TCF7L2: variants seen among roughly 807,000 people sequenced by gnomAD.
The protein encoded by TCF7L2 is transcription factor 7-like 2.
In TCF7L2, 23 loss-of-function variants were observed where a neutral mutation model predicts 77.9. The ratio of observed to expected loss-of-function variants is 0.30; its 90% CI spans 0.21 to 0.42. The LOEUF is 0.42. TCF7L2 is among the 10% of genes least tolerant of loss of function. The probability of loss-of-function intolerance (pLI) is 1.00; values close to 1 mark genes in which losing one functional copy is unlikely to be tolerated. For synonymous variants in TCF7L2, 413 were observed against 340.2 expected (o/e 1.21, Z -2.36); for missense variants, 654 against 793.1 (o/e 0.82, Z 2.11).
intron 5 of TCF7L2, among the ~76,000 whole-genome samples, chr10:113,060,385 T>C (rs1347366115): frequency 6.6e-6 from 1 of 152,180 alleles, no homozygotes; most frequent in Non-Finnish European, 1.5e-5. Context: ...TTAAAAGGAC[T>C]GTGTTGTTAC....
intron 5 of TCF7L2, among the ~76,000 whole-genome samples, chr10:113,057,173 TCTCTCCTA>T (rs1564835151): frequency 6.6e-6 from 1 of 152,168 alleles, no homozygotes; most frequent in Non-Finnish European, 1.5e-5. Context: ...CTTCCTCTTG[TCTCTCCTA>T]CCCTGTAAAC....
rs77961654 is a variant in TCF7L2, at chr10:113,165,610, C to G, written c.1447C>G (p.Pro483Ala). ...AGGTGAAGGCAGCTGCCTCAGCCCA[C>G]CCTCTTCAGATGGAAGCTTACTAGA... Residue 483 changes from proline (P) to alanine (A), a missense_variant, in exon 14 of 14, where the codon CCC becomes GCC. Physicochemically the swap from Pro to Ala is conservative, Grantham distance 27. Transcript: ENST00000627217. 2 of 1,614,028 alleles carry G rather than the reference C, an allele frequency of 1.2e-6. No individual in the cohort carries two copies. Among genetic ancestry groups the G allele is most frequent in the Non-Finnish European group, 1.7e-6 (2 of 1,179,988 alleles).
At chr10:113,070,269 T>TTTTATATA (rs1555004137) in intron 5 of TCF7L2, among the ~76,000 whole-genome samples, 1 of 124,138 alleles carries the variant, frequency 8.1e-6, no homozygotes, top group Non-Finnish European at 1.6e-5. Context: ...AAAAAAAAAT[T>TTTTATATA]TATATATATA....
intron 5 of TCF7L2, among the ~76,000 whole-genome samples, chr10:113,086,558 T>C (rs2059855583): frequency 6.6e-6 from 1 of 152,216 alleles, no homozygotes; most frequent in African/African-American, 2.4e-5. Flanking sequence ...ACTTTCCCAC[T>C]TCTGAAGCTG....
intron 4 of TCF7L2, among the ~76,000 whole-genome samples, chr10:112,992,715 C>T (rs2042789896): frequency 6.6e-6 from 1 of 151,948 alleles, no homozygotes; most frequent in Non-Finnish European, 1.5e-5. Context: ...GACCTCCAAG[C>T]AGACCCCCTC....
rs1408038947 is a variant in TCF7L2 at position 113,107,774 on chromosome 10, A to AAAAAAAAC, written c.553-33408_553-33407insAAAAACAA. Among the ~76,000 whole-genome samples the AAAAAAAAC allele has an allele frequency of 8.9e-4, 133 of 149,840 alleles. 2 individuals are homozygous for AAAAAAAAC. The highest frequency in any genetic ancestry group is 5.7e-3 in the Admixed American group (84 of 14,612). ...GTCTAAAAAAAAAAAAAAAAAAAAA[A>AAAAAAAAC]AACAACAAAAAAATCAAGGTACATC... On this transcript the variant is annotated intron_variant, in intron 5 of 13. Coordinates refer to ENST00000627217, the MANE Select transcript of TCF7L2 (RefSeq NM_001146274.2).
At chr10:113,043,358 A>C (rs1437415625) in intron 5 of TCF7L2, among the ~76,000 whole-genome samples, 2 of 152,238 alleles carry the variant, frequency 1.3e-5, no homozygotes, top group Non-Finnish European at 2.9e-5. Context: ...AAATGTTCTT[A>C]ACAAGTGGAG....
At chr10:112,973,293 G>A (rs2038681477) in intron 4 of TCF7L2, among the ~76,000 whole-genome samples, 3 of 152,168 alleles carry the variant, frequency 2.0e-5, no homozygotes, top group South Asian at 2.1e-4. Flanking sequence ...GAGAACCACC[G>A]GACTAGGGCA....
intron 3 of TCF7L2, among the ~76,000 whole-genome samples, chr10:112,959,935 G>A (rs2034629370): frequency 6.6e-6 from 1 of 151,784 alleles, no homozygotes; most frequent in Non-Finnish European, 1.5e-5. Flanking sequence ...CTACAGGGTA[G>A]AGAGGAAAGT....
chr10:112,981,322 T>G (rs60802767), intron 4 of TCF7L2, among the ~76,000 whole-genome samples: 49 of 145,612 alleles, frequency 3.4e-4, no homozygotes, highest in Non-Finnish European at 5.3e-4. Context: ...AAAAAAAAAA[T>G]AAAGAAAGAA....
chr10:113,112,185 G>A (rs1018068063), intron 5 of TCF7L2, among the ~76,000 whole-genome samples: 1 of 152,228 alleles, frequency 6.6e-6, no homozygotes, highest in Non-Finnish European at 1.5e-5. Flanking sequence ...TGCTATGGTG[G>A]AGGCATGACA....
At chr10:113,012,018 G>C (rs572185683) in intron 4 of TCF7L2, among the ~76,000 whole-genome samples, 1 of 152,308 alleles carries the variant, frequency 6.6e-6, no homozygotes, top group African/African-American at 2.4e-5. Context: ...ACTGCCTCGA[G>C]TATTGCCGTT....
chr10:113,094,354 T>A (rs532315193), intron 5 of TCF7L2, among the ~76,000 whole-genome samples: 6 of 152,332 alleles, frequency 3.9e-5, no homozygotes, highest in Admixed American at 3.9e-4. Flanking sequence ...TTGTTAGTCA[T>A]TTGAAACAAA....
intron 5 of TCF7L2, among the ~76,000 whole-genome samples, chr10:113,117,904 C>T (rs1044329259): frequency 6.6e-6 from 1 of 152,148 alleles, no homozygotes; most frequent in Non-Finnish European, 1.5e-5. Context: ...GAAGTTGCGT[C>T]GCCTCCCTCC....
intron 3 of TCF7L2, among the ~76,000 whole-genome samples, chr10:112,953,906 A>G (rs1034832826): frequency 5.3e-5 from 8 of 152,218 alleles, no homozygotes; most frequent in African/African-American, 7.2e-5. Context: ...TAGTACTTAC[A>G]TGTCAAACAC....
At chr10:113,154,968 G>A (rs1410006654) in intron 11 of TCF7L2, among the ~76,000 whole-genome samples, 2 of 143,342 alleles carry the variant, frequency 1.4e-5, no homozygotes, top group Non-Finnish European at 3.0e-5. Flanking sequence ...GAATGTGGTA[G>A]CAACTTAACT....
At chr10:113,027,497 C>G (rs2049397934) in intron 4 of TCF7L2, among the ~76,000 whole-genome samples, 1 of 152,132 alleles carries the variant, frequency 6.6e-6, no homozygotes, top group South Asian at 2.1e-4. Context: ...GTTCTCTTCT[C>G]TGCTTCTTGG....
chr10:112,959,077 TTTAA>T (rs1174261683), intron 3 of TCF7L2, among the ~76,000 whole-genome samples: 2 of 152,310 alleles, frequency 1.3e-5, no homozygotes, highest in East Asian at 3.9e-4. Flanking sequence ...GTTTAAGAGC[TTTAA>T]TTATGTTTTG....
intron 4 of TCF7L2, among the ~76,000 whole-genome samples, chr10:112,986,554 G>A (rs2041577347): frequency 6.6e-6 from 1 of 152,058 alleles, no homozygotes; most frequent in Non-Finnish European, 1.5e-5. Context: ...TTTATTTCAG[G>A]TCTATCAAAA....
Sources: allele counts gnomAD v4.1 joint callset (sites outside exome capture counted in the v4.1 genomes callset), GRCh38; gene constraint gnomAD v4.1.1; transcripts MANE v1.5; gene names NCBI Gene and HGNC (gene_info 2026-07-23, HGNC 2026-07-21).